Variants in PTPRT observed in about 807,000 individuals in gnomAD.
The protein encoded by PTPRT is protein tyrosine phosphatase receptor type T, also known as receptor-type tyrosine-protein phosphatase T.
PTPRT carries 56 observed loss-of-function variants against 176.8 expected under a neutral mutation model. The ratio of observed to expected loss-of-function variants is 0.32; its 90% CI spans 0.26 to 0.40. The LOEUF (loss-of-function observed/expected upper bound fraction) is 0.40. Ranked by LOEUF, PTPRT falls within the 10% of genes least tolerant of loss-of-function variation. The probability of loss-of-function intolerance (pLI) is 1.00; values close to 1 mark genes in which losing one functional copy is unlikely to be tolerated. For synonymous variants in PTPRT, 783 were observed against 739.0 expected, an observed-to-expected ratio of 1.06 and a Z score of -0.96; for missense variants, 1,540 against 1,908.2, an observed-to-expected ratio of 0.81 and a Z score of 3.60.
intron 1 of PTPRT, among the ~76,000 whole-genome samples, chr20:43,118,237 C>T (rs895546486): frequency 2.6e-5 from 4 of 152,086 alleles, no homozygotes; most frequent in African/African-American, 9.7e-5. Flanking sequence ...AGCCCATGGG[C>T]CATATTTTGT....
chr20:42,122,193 T>C (rs1019640069), intron 19 of PTPRT, among the ~76,000 whole-genome samples: 5 of 152,228 alleles, frequency 3.3e-5, no homozygotes, highest in Non-Finnish European at 7.3e-5. Flanking sequence ...ATGGGGATAA[T>C]GGTATTTACC....
intron 9 of PTPRT, among the ~76,000 whole-genome samples, chr20:42,447,746 A>G (rs970783481): frequency 1.3e-5 from 2 of 152,162 alleles, no homozygotes; most frequent in South Asian, 4.1e-4. Context: ...CACCTGGGTG[A>G]CAAAATATGC....
intron 2 of PTPRT, among the ~76,000 whole-genome samples, chr20:42,880,134 C>T (rs751666928): frequency 4.0e-4 from 61 of 152,016 alleles, no homozygotes; most frequent in Admixed American, 6.6e-4. Flanking sequence ...GTGGGTGGTG[C>T]ACCTGGGCTG....
chr20:42,670,460 T>C (rs965935816), intron 7 of PTPRT, among the ~76,000 whole-genome samples: 1 of 152,224 alleles, frequency 6.6e-6, no homozygotes, highest in Non-Finnish European at 1.5e-5. Context: ...TAATGACTAC[T>C]CTCACTTCAT....
At chr20:43,113,365 T>G (rs188240486) in intron 1 of PTPRT, among the ~76,000 whole-genome samples, 1 of 152,370 alleles carries the variant, frequency 6.6e-6, no homozygotes, top group Non-Finnish European at 1.5e-5. Flanking sequence ...AGGATTTTAA[T>G]AATTATTTTA....
rs2011470160 is a variant in PTPRT, at chr20:43,082,547, T to A, written c.88+107099A>T. ...CACACACAAACTTCATTTCTCATGT[T>A]AGCATTGTCTGGAAATTTAGTTCCA... On this transcript the variant is annotated intron_variant, in intron 1 of 30. Transcript: ENST00000373187. Among the ~76,000 whole-genome samples the A allele has an allele frequency of 3.3e-5, 5 of 152,272 alleles. No individual in the cohort carries two copies. In the South Asian group the frequency reaches 1.0e-3, roughly 32 times the overall value.
chr20:42,576,152 C>G (rs1347521851), intron 7 of PTPRT, among the ~76,000 whole-genome samples: 1 of 152,172 alleles, frequency 6.6e-6, no homozygotes, highest in African/African-American at 2.4e-5. Context: ...AGTTCTCCCT[C>G]CTGGGCCTTT....
In PTPRT at chr20:42,615,002, T is replaced by C. The variant is rs372657859; in HGVS notation, c.1153+62864A>G. ...GCACATTGTGCAGGTTAGTTACATA[T>C]GTATACATGTGCCATGCTGGTGTGC... On this transcript the variant is annotated intron_variant, in intron 7 of 30. Coordinates refer to ENST00000373187, the MANE Select transcript of PTPRT (RefSeq NM_007050.6). Among the ~76,000 whole-genome samples, 16 of 146,062 alleles carry C rather than the reference T, an allele frequency of 1.1e-4. No individual in the cohort carries two copies. The East Asian group carries it at 2.2e-3, about 20-fold the overall frequency.
chr20:43,089,891 AATTTCC>A (rs1267398424), intron 1 of PTPRT, among the ~76,000 whole-genome samples: 2 of 152,216 alleles, frequency 1.3e-5, no homozygotes, highest in Non-Finnish European at 2.9e-5. Flanking sequence ...AAGGTGCTTA[AATTTCC>A]AGAGTGGGGA....
intron 16 of PTPRT, among the ~76,000 whole-genome samples, chr20:42,169,962 G>A (rs1990009268): frequency 6.6e-6 from 1 of 152,106 alleles, no homozygotes; most frequent in Admixed American, 6.6e-5. Context: ...CCTTTTGCAA[G>A]TTAAATAAAA....
intron 7 of PTPRT, among the ~76,000 whole-genome samples, chr20:42,574,760 A>C (rs559323405): frequency 2.2e-4 from 34 of 152,236 alleles, no homozygotes; most frequent in African/African-American, 7.2e-4. Flanking sequence ...TAATCCCCAC[A>C]TGTCGAGGGA....
chr20:42,890,671 T>C (rs2079177112), intron 1 of PTPRT, among the ~76,000 whole-genome samples: 1 of 152,020 alleles, frequency 6.6e-6, no homozygotes, highest in African/African-American at 2.4e-5. Flanking sequence ...CCCAGTAACA[T>C]CTATCTGTCT....
chr20:42,241,095 G>T (rs2146881149), intron 14 of PTPRT, among the ~76,000 whole-genome samples: 1 of 152,322 alleles, frequency 6.6e-6, no homozygotes, highest in South Asian at 2.1e-4. Context: ...AAGTGGCATG[G>T]CAGGGATTTG....
At chr20:43,060,598 G>A (rs1272386754) in intron 1 of PTPRT, among the ~76,000 whole-genome samples, 1 of 152,104 alleles carries the variant, frequency 6.6e-6, no homozygotes, top group African/African-American at 2.4e-5. Context: ...TGCAATACAG[G>A]CACAACAATA....
At chr20:42,551,175 T>A (rs2072763866) in intron 7 of PTPRT, among the ~76,000 whole-genome samples, 1 of 152,128 alleles carries the variant, frequency 6.6e-6, no homozygotes, top group Non-Finnish European at 1.5e-5. Flanking sequence ...ATAAGGGGTA[T>A]GTTTTATGGA....
At chr20:42,322,814 G>A (rs1276415442) in intron 11 of PTPRT, among the ~76,000 whole-genome samples, 1 of 152,038 alleles carries the variant, frequency 6.6e-6, no homozygotes, top group Admixed American at 6.5e-5. Context: ...CCATCACAGT[G>A]AACAGGCAAC....
chr20:42,574,101 G>T (rs2073213508), intron 7 of PTPRT, among the ~76,000 whole-genome samples: 1 of 152,156 alleles, frequency 6.6e-6, no homozygotes, highest in African/African-American at 2.4e-5. Context: ...CCAAGTTGGA[G>T]AAGCATTGAG....
At chr20:42,106,752 A>C (rs1986481222) in intron 24 of PTPRT, 34 bp downstream of exon 24, 1 of 1,605,496 alleles carries the variant, frequency 6.2e-7, no homozygotes, top group East Asian at 2.2e-5. Context: ...TCAGGGCTAC[A>C]GGTGGCCAAC....
chr20:42,861,917 G>A (rs1475769404), intron 2 of PTPRT, among the ~76,000 whole-genome samples: 5 of 152,020 alleles, frequency 3.3e-5, no homozygotes, highest in African/African-American at 4.8e-5. Flanking sequence ...GGGGAATGTG[G>A]CAGAGGATGT....
Sources: allele counts gnomAD v4.1 joint callset (sites outside exome capture counted in the v4.1 genomes callset), GRCh38; gene constraint gnomAD v4.1.1; transcripts MANE v1.5; gene names NCBI Gene and HGNC (gene_info 2026-07-23, HGNC 2026-07-21).